Variants in TENM4 observed in about 807,000 individuals in gnomAD.
TENM4 encodes teneurin transmembrane protein 4.
In TENM4, 82 loss-of-function variants were observed where a neutral mutation model predicts 243.3. The ratio of observed to expected loss-of-function variants is 0.34; its 90% CI spans 0.28 to 0.40. The LOEUF is 0.40. Among genes scored for constraint, TENM4 ranks in the 10% least tolerant of loss-of-function variants. The pLI is 1.00. For missense variants in TENM4, 3,138 were observed against 3,673.3 expected (o/e 0.85, Z 3.77); for synonymous variants, 1,412 against 1,456.3 (o/e 0.97, Z 0.69).
rs115487675 is a variant in TENM4, at chr11:78,829,902, C to T, written c.1682-15507G>A. Among the ~76,000 whole-genome samples, 1,520 of 152,270 alleles carry T rather than the reference C, an allele frequency of 1.0e-2. 18 individuals are homozygous for T. The highest frequency in any genetic ancestry group is 0.034 in the African/African-American group (1,413 of 41,546). On this transcript the variant is annotated intron_variant, in intron 12 of 33. Transcript: ENST00000278550. ...GCATGCAGGTGCGTGTACTTTGTGA[C>T]AACAGGATAAGAGGGAGCCTGGATC...
At chr11:79,374,445 G>A (rs1210878022) in intron 1 of TENM4, among the ~76,000 whole-genome samples, 1 of 151,954 alleles carries the variant, frequency 6.6e-6, no homozygotes, top group African/African-American at 2.4e-5. Context: ...ATTTCAAATG[G>A]TTGCATTTAG....
At chr11:78,713,614 T>G (rs1387775632) in intron 25 of TENM4, among the ~76,000 whole-genome samples, 1 of 152,208 alleles carries the variant, frequency 6.6e-6, no homozygotes, top group Non-Finnish European at 1.5e-5. Context: ...GAGCCTCGAA[T>G]AGTCCTTATG....
At position 79,431,047 on chromosome 11, in the gene TENM4, C is replaced by T. The variant is rs558936913; in HGVS notation, c.-321+9462G>A. Among the ~76,000 whole-genome samples the T allele has an allele frequency of 4.5e-4, 68 of 152,090 alleles. 2 individuals are homozygous for T. The South Asian group carries it at 0.014, about 31-fold the overall frequency. The stretch of plus-strand genomic sequence containing the variant: ...CGTTGCCAATTTTCTTAGGTTAGTT[C>T]AATTAATAAATTAAATAAATAAATA... On this transcript the variant is annotated intron_variant, in intron 1 of 33. Transcript: ENST00000278550.
chr11:78,874,821 C>T (rs367697606), intron 9 of TENM4, among the ~76,000 whole-genome samples: 1 of 152,128 alleles, frequency 6.6e-6, no homozygotes, highest in East Asian at 1.9e-4. Context: ...AAATGGAGGC[C>T]ACACTACAAT....
chr11:78,660,210 A>G (rs1277856962), intron 33 of TENM4, among the ~76,000 whole-genome samples: 2 of 152,200 alleles, frequency 1.3e-5, no homozygotes, highest in African/African-American at 4.8e-5. Context: ...GGCAGCAGAA[A>G]GACGATGGGC....
chr11:78,922,666 G>A (rs937448460), intron 6 of TENM4, among the ~76,000 whole-genome samples: 4 of 152,170 alleles, frequency 2.6e-5, no homozygotes, highest in African/African-American at 4.8e-5. Flanking sequence ...AGAGAATCCC[G>A]GTCAAACACG....
chr11:78,728,301 A>G (rs199681758), intron 22 of TENM4, among the ~76,000 whole-genome samples: 60 of 152,172 alleles, frequency 3.9e-4, no homozygotes, highest in Non-Finnish European at 5.1e-4. Flanking sequence ...AGTCATCTCA[A>G]TTCTCTGGGC....
intron 1 of TENM4, among the ~76,000 whole-genome samples, chr11:79,299,100 A>T (rs1856509803): frequency 6.6e-6 from 1 of 152,014 alleles, no homozygotes; most frequent in Non-Finnish European, 1.5e-5. Flanking sequence ...ACACACACAT[A>T]CATACACACA....
At chr11:78,892,803 C>T (rs186707564) in intron 7 of TENM4, among the ~76,000 whole-genome samples, 268 of 152,290 alleles carry the variant, frequency 1.8e-3, no homozygotes, top group African/African-American at 6.2e-3. Flanking sequence ...CTTGTAGAAG[C>T]AACTTTTCTA....
At chr11:78,784,986 ACT>A (rs1441417640) in intron 16 of TENM4, among the ~76,000 whole-genome samples, 1 of 150,558 alleles carries the variant, frequency 6.6e-6, no homozygotes, top group East Asian at 1.9e-4. Context: ...TGAGCTGAGG[ACT>A]CTGTAAGCAA....
chr11:78,781,041 GA>G (rs1313528807), intron 16 of TENM4, among the ~76,000 whole-genome samples: 1 of 152,198 alleles, frequency 6.6e-6, no homozygotes, highest in African/African-American at 2.4e-5. Flanking sequence ...GAATGGAATG[GA>G]GCTTCCTTGT....
chr11:79,233,633 T>C (rs1232099897), intron 2 of TENM4, among the ~76,000 whole-genome samples: 2 of 152,018 alleles, frequency 1.3e-5, no homozygotes, highest in Admixed American at 1.3e-4. Context: ...GTACTTCATA[T>C]TGGTGGGGCA....
At chr11:78,847,409 CCT>C (rs1281207895) in intron 12 of TENM4, among the ~76,000 whole-genome samples, 2 of 152,198 alleles carry the variant, frequency 1.3e-5, no homozygotes, top group Non-Finnish European at 2.9e-5. Flanking sequence ...GGAGCCCTGC[CCT>C]TCAGTGAGCA....
chr11:79,014,684 T>C (rs1299597239), intron 6 of TENM4: 3 of 152,210 alleles, frequency 2.0e-5, no homozygotes, highest in East Asian at 3.9e-4. Context: ...AACAGGATTC[T>C]TTTCAGGGAG....
chr11:79,010,628 C>T (rs1277722397), intron 6 of TENM4, among the ~76,000 whole-genome samples: 1 of 152,110 alleles, frequency 6.6e-6, no homozygotes, highest in East Asian at 1.9e-4. Context: ...CAAAGAAGAG[C>T]TGTGCAGGGA....
intron 2 of TENM4, among the ~76,000 whole-genome samples, chr11:79,290,731 A>G (rs959331234): frequency 2.0e-5 from 3 of 152,004 alleles, no homozygotes; most frequent in Admixed American, 2.0e-4. Flanking sequence ...TCTTTGGACC[A>G]TTTTATTGAT....
At chr11:79,109,019 C>T (rs559206238) in intron 4 of TENM4, among the ~76,000 whole-genome samples, 13 of 152,236 alleles carry the variant, frequency 8.5e-5, no homozygotes, top group Middle Eastern at 3.4e-3. Context: ...TCCATCTCCT[C>T]GATTTTATGA....
chr11:79,138,038 G>A (rs1411441701), intron 4 of TENM4, among the ~76,000 whole-genome samples: 2 of 151,680 alleles, frequency 1.3e-5, no homozygotes, highest in East Asian at 3.9e-4. Context: ...CAGTGGGCTG[G>A]GAAAAGCAGA....
intron 15 of TENM4, among the ~76,000 whole-genome samples, chr11:78,790,345 ATTGAGCC>A (rs1857027770): frequency 6.6e-6 from 1 of 152,200 alleles, no homozygotes; most frequent in Non-Finnish European, 1.5e-5. Context: ...TATGCAATTC[ATTGAGCC>A]TTGCTTTCCA....
Sources: gnomAD v4.1 joint callset for allele counts (sites outside exome capture counted in the v4.1 genomes callset) on GRCh38, gnomAD v4.1.1 for gene constraint, MANE v1.5 for transcripts, NCBI Gene and HGNC (gene_info 2026-07-23, HGNC 2026-07-21) for gene names.